SPON1: variants seen among roughly 807,000 people sequenced by gnomAD.
The protein encoded by SPON1 is spondin 1, also known as spondin-1.
Under a neutral mutation model 111.7 loss-of-function variants are expected in SPON1, and 52 were observed. The ratio of observed to expected loss-of-function variants is 0.47; its 90% CI spans 0.37 to 0.59. SPON1 has a LOEUF of 0.59. Among genes scored for constraint, SPON1 ranks in the 20% least tolerant of loss-of-function variants. SPON1 has a pLI of 0.00. For synonymous variants in SPON1, 410 were observed against 395.8 expected (o/e 1.04, Z -0.43); for missense variants, 957 against 1,068.5 (o/e 0.90, Z 1.46).
At chr11:14,198,421 G>A (rs1339352699) in intron 6 of SPON1, among the ~76,000 whole-genome samples, 2 of 152,198 alleles carry the variant, frequency 1.3e-5, no homozygotes, top group Non-Finnish European at 2.9e-5. Flanking sequence ...TTTTGATACT[G>A]AGCCCTTATA....
At chr11:14,099,032 G>T (rs1270390208) in intron 5 of SPON1, among the ~76,000 whole-genome samples, 4 of 152,188 alleles carry the variant, frequency 2.6e-5, no homozygotes, top group African/African-American at 9.6e-5. Flanking sequence ...TCATAATTGA[G>T]ACTTTAAAAG....
In SPON1 at chr11:14,189,921, C is replaced by T. The variant is rs185707765; in HGVS notation, c.826-53411C>T. On this transcript the variant is annotated intron_variant, in intron 6 of 15. Coordinates refer to ENST00000576479, the MANE Select transcript of SPON1 (RefSeq NM_006108.4). ...TGGTCAAAAATAAAAATAAAAATCA[C>T]ATAAAGTCATGTGGTGCTACCTGTA... is the stretch of plus-strand genomic sequence containing the variant. 2.3e-3 allele frequency among the ~76,000 whole-genome samples: 353 copies of T among 152,308 alleles called. 1 individual carries two copies. The highest frequency in any genetic ancestry group is 7.7e-3 in the African/African-American group (319 of 41,582).
At chr11:14,218,845 G>A (rs1468990794) in intron 6 of SPON1, among the ~76,000 whole-genome samples, 2 of 152,146 alleles carry the variant, frequency 1.3e-5, no homozygotes, top group African/African-American at 4.8e-5. Flanking sequence ...CCAGTTGCTG[G>A]CGAGGTTGAA....
At chr11:14,067,052 C>G (rs1848838258) in intron 3 of SPON1, among the ~76,000 whole-genome samples, 1 of 152,138 alleles carries the variant, frequency 6.6e-6, no homozygotes, top group Non-Finnish European at 1.5e-5. Flanking sequence ...TGGCAGGCAC[C>G]AGTTGTCCCA....
At chr11:14,175,218 A>G (rs1848161451) in intron 6 of SPON1, among the ~76,000 whole-genome samples, 1 of 152,238 alleles carries the variant, frequency 6.6e-6, no homozygotes, top group African/African-American at 2.4e-5. Flanking sequence ...AGCCTAGAGA[A>G]GCCAGTTTCA....
At chr11:14,208,643 T>C (rs1335494555) in intron 6 of SPON1, among the ~76,000 whole-genome samples, 5 of 152,206 alleles carry the variant, frequency 3.3e-5, no homozygotes, top group Non-Finnish European at 5.9e-5. Context: ...TTAAAAAGTA[T>C]GCATTTAACT....
chr11:13,984,964 T>A (rs1256124320), intron 2 of SPON1, among the ~76,000 whole-genome samples: 1 of 152,180 alleles, frequency 6.6e-6, no homozygotes, highest in Admixed American at 6.5e-5. Context: ...TCAGACATCC[T>A]CTCTTGTTAC....
chr11:14,088,528 G>A (rs1341565492), intron 5 of SPON1, among the ~76,000 whole-genome samples: 1 of 152,030 alleles, frequency 6.6e-6, no homozygotes, highest in Non-Finnish European at 1.5e-5. Flanking sequence ...TTCCCTTTGT[G>A]GGTAACCTGA....
intron 6 of SPON1, among the ~76,000 whole-genome samples, chr11:14,139,592 T>C (rs1361699155): frequency 6.6e-6 from 1 of 152,164 alleles, no homozygotes; most frequent in Non-Finnish European, 1.5e-5. Flanking sequence ...TTTATTCATT[T>C]GGTAATTTTA....
At chr11:14,045,732 T>C (rs1284743178) in intron 3 of SPON1, among the ~76,000 whole-genome samples, 1 of 151,128 alleles carries the variant, frequency 6.6e-6, no homozygotes, top group Non-Finnish European at 1.5e-5. Context: ...TTAGAACATA[T>C]TTATGTTTAA....
intron 1 of SPON1, among the ~76,000 whole-genome samples, chr11:13,964,692 G>A (rs1283126030): frequency 6.6e-6 from 1 of 152,192 alleles, no homozygotes; most frequent in Non-Finnish European, 1.5e-5. Context: ...CAGCCCGGGA[G>A]GGAGCGCGCG....
intron 3 of SPON1, among the ~76,000 whole-genome samples, chr11:14,064,370 T>C (rs1299435053): frequency 6.6e-6 from 1 of 152,360 alleles, no homozygotes; most frequent in East Asian, 1.9e-4. Flanking sequence ...CTGATGGTCC[T>C]GGTTAATGCG....
chr11:13,969,188 T>C (rs1190532454), intron 1 of SPON1, among the ~76,000 whole-genome samples: 1 of 123,370 alleles, frequency 8.1e-6, no homozygotes, highest in East Asian at 2.5e-4. Flanking sequence ...AAAATCAGCC[T>C]GGACAATATG....
chr11:13,997,711 A>G (rs1398399040), intron 2 of SPON1, among the ~76,000 whole-genome samples: 1 of 152,212 alleles, frequency 6.6e-6, no homozygotes, highest in South Asian at 2.1e-4. Context: ...AGTTCATTCT[A>G]TCTTTATTGT....
intron 3 of SPON1, among the ~76,000 whole-genome samples, chr11:14,048,317 T>A (rs1444866426): frequency 6.6e-6 from 1 of 152,208 alleles, no homozygotes; most frequent in Non-Finnish European, 1.5e-5. Context: ...GGATACCAAC[T>A]GTGCTGCAGA....
At chr11:14,042,394 G>A (rs908773371) in intron 3 of SPON1, among the ~76,000 whole-genome samples, 47 of 149,322 alleles carry the variant, frequency 3.1e-4, no homozygotes, top group Non-Finnish European at 5.4e-4. Context: ...AAGTCCTGGC[G>A]AAAAAAAAAA....
intron 5 of SPON1, among the ~76,000 whole-genome samples, chr11:14,093,562 A>G (rs1341138472): frequency 6.6e-6 from 1 of 152,220 alleles, no homozygotes; most frequent in African/African-American, 2.4e-5. Context: ...TCCGTTTGAC[A>G]ATACATTGCC....
At chr11:14,113,729 C>T (rs1190968389) in intron 5 of SPON1, among the ~76,000 whole-genome samples, 3 of 150,394 alleles carry the variant, frequency 2.0e-5, no homozygotes, top group Admixed American at 6.6e-5. Flanking sequence ...CAGCCTCCCG[C>T]GTAGCTGGGA....
At chr11:13,975,240 G>T (rs782502457) in intron 1 of SPON1, among the ~76,000 whole-genome samples, 3 of 152,084 alleles carry the variant, frequency 2.0e-5, no homozygotes, top group Non-Finnish European at 4.4e-5. Context: ...GTGTCTCCAG[G>T]GATGTAGCAC....
Sources: gnomAD v4.1 joint callset for allele counts (sites outside exome capture counted in the v4.1 genomes callset) on GRCh38, gnomAD v4.1.1 for gene constraint, MANE v1.5 for transcripts, NCBI Gene and HGNC (gene_info 2026-07-23, HGNC 2026-07-21) for gene names.